WWOX: variants seen among roughly 807,000 people sequenced by gnomAD.
The protein encoded by WWOX is WW domain-containing oxidoreductase.
WWOX carries 69 observed loss-of-function variants against 46.2 expected under a neutral mutation model. The observed-to-expected ratio is 1.49, with a 90% confidence interval of 1.23 to 1.82. The LOEUF (loss-of-function observed/expected upper bound fraction) is 1.82, where lower values mean the gene tolerates loss of function less well. WWOX is among the 40% of genes most tolerant of loss of function. The pLI, the probability that WWOX is intolerant of heterozygous loss-of-function variation, is 0.00. For missense variants in WWOX, 919 were observed against 542.6 expected (o/e 1.69, Z -6.89); for synonymous variants, 359 against 202.6 (o/e 1.77, Z -6.56).
At position 78,745,042 on chromosome 16, in the gene WWOX, C is replaced by T. The variant is rs146662683; in HGVS notation, c.1056+312290C>T. On this transcript the variant is annotated intron_variant, in intron 8 of 8. Transcript: ENST00000566780. The stretch of plus-strand genomic sequence containing the variant: ...CCATTTATTCAGTGTTGGCCAGTGA[C>T]GCCTGCCACTGCATTTTATTGATGA... Among the ~76,000 whole-genome samples the T allele has an allele frequency of 1.9e-3, 284 of 152,236 alleles. 1 individual carries two copies. Among genetic ancestry groups the T allele is most frequent in the African/African-American group, 6.2e-3 (259 of 41,530 alleles).
At chr16:78,597,180 C>T (rs1167329639) in intron 8 of WWOX, among the ~76,000 whole-genome samples, 1 of 152,176 alleles carries the variant, frequency 6.6e-6, no homozygotes, top group Admixed American at 6.5e-5. Flanking sequence ...GCTTAGCAAG[C>T]ATTTAGTAGG....
chr16:78,784,473 C>A (rs927173025), intron 8 of WWOX, among the ~76,000 whole-genome samples: 1 of 151,928 alleles, frequency 6.6e-6, no homozygotes, highest in Non-Finnish European at 1.5e-5. Flanking sequence ...TATTAATATA[C>A]TAGATAAGAG....
intron 8 of WWOX, among the ~76,000 whole-genome samples, chr16:79,151,782 G>A (rs1478899537): frequency 6.6e-6 from 1 of 152,226 alleles, no homozygotes; most frequent in Admixed American, 6.5e-5. Context: ...TTTGATCCTG[G>A]AGTTGCTGTA....
chr16:79,068,750 G>A (rs976396830), intron 8 of WWOX, among the ~76,000 whole-genome samples: 5 of 151,586 alleles, frequency 3.3e-5, no homozygotes, highest in Admixed American at 1.3e-4. Flanking sequence ...GGCCAAGGCT[G>A]CAGTGAGATA....
chr16:79,079,849 C>T (rs1425436822), intron 8 of WWOX, among the ~76,000 whole-genome samples: 1 of 152,174 alleles, frequency 6.6e-6, no homozygotes, highest in Non-Finnish European at 1.5e-5. Flanking sequence ...ACATATGCTT[C>T]TCTGGGCATA....
chr16:78,817,209 A>G (rs1025953745), intron 8 of WWOX, among the ~76,000 whole-genome samples: 2 of 81,296 alleles, frequency 2.5e-5, no homozygotes, highest in African/African-American at 9.5e-5. Context: ...TCCTTCTTCA[A>G]CCCTGACTCT....
intron 8 of WWOX, among the ~76,000 whole-genome samples, chr16:78,731,843 C>T (rs202192924): frequency 0.28 from 37,567 of 136,172 alleles, 9,074 homozygotes; most frequent in African/African-American, 0.66. Flanking sequence ...TTTTTTCTTT[C>T]TCTTTTTTTT....
chr16:78,547,872 C>T (rs927871592), intron 8 of WWOX, among the ~76,000 whole-genome samples: 1 of 152,064 alleles, frequency 6.6e-6, no homozygotes, highest in African/African-American at 2.4e-5. Flanking sequence ...CAACATATGG[C>T]TGGGCGTGGT....
At chr16:79,051,365 G>A (rs746009384) in intron 8 of WWOX, among the ~76,000 whole-genome samples, 4 of 152,162 alleles carry the variant, frequency 2.6e-5, no homozygotes, top group East Asian at 1.9e-4. Flanking sequence ...TCCAAAACAG[G>A]TGCTGTGATC....
chr16:78,146,318 T>A (rs529788463), intron 4 of WWOX, among the ~76,000 whole-genome samples: 1 of 152,308 alleles, frequency 6.6e-6, no homozygotes, highest in African/African-American at 2.4e-5. Context: ...TCTGTTTCTC[T>A]TTTTTGAATT....
At chr16:79,050,723 A>G (rs913302942) in intron 8 of WWOX, among the ~76,000 whole-genome samples, 1 of 152,190 alleles carries the variant, frequency 6.6e-6, no homozygotes, top group South Asian at 2.1e-4. Context: ...GAATGGGGCT[A>G]CATAGGTTGG....
intron 5 of WWOX, among the ~76,000 whole-genome samples, chr16:78,381,020 G>C (rs539703512): frequency 6.6e-5 from 10 of 152,194 alleles, no homozygotes; most frequent in Non-Finnish European, 1.5e-4. Context: ...TAAGGCAATT[G>C]AAGCCCAGAT....
chr16:78,781,657 C>T lies in WWOX; in HGVS notation c.1056+348905C>T, dbSNP rs139695307. 1.7e-3 allele frequency among the ~76,000 whole-genome samples: 254 copies of T among 152,250 alleles called. 4 individuals are homozygous for T. The highest frequency in any genetic ancestry group is 0.011 in the East Asian group (57 of 5,170). On this transcript the variant is annotated intron_variant, in intron 8 of 8. Transcript: ENST00000566780. ...GAATATTGGGCCGGGCTTGGTGGCT[C>T]ATGCCTCTAATCCTACCTGAAGCAA...
In WWOX at chr16:79,211,760, G is replaced by C. The variant is rs764726398; in HGVS notation, c.1209G>C (p.Arg403Ser). 2.5e-6 allele frequency: 4 copies of C among 1,614,156 alleles called. No homozygotes were observed. The highest frequency in any genetic ancestry group is 3.4e-6 in the Non-Finnish European group (4 of 1,179,998). Residue 403 changes from arginine (R) to serine (S), a missense_variant, in exon 9 of 9, where the codon AGG becomes AGC. Physicochemically the swap from Arg to Ser is moderately radical, Grantham distance 110. Coordinates refer to ENST00000566780, the MANE Select transcript of WWOX (RefSeq NM_016373.4). ...TARTLWALSERLIQERLGSQS... is the reference protein window; with the variant it reads ...TARTLWALSESLIQERLGSQS... ...GGACCCTGTGGGCGCTCAGCGAGAGGCTGATCCAAGAACGGCTTGGCAGCC... is the reference window on the plus strand; with the variant it reads ...GGACCCTGTGGGCGCTCAGCGAGAGCCTGATCCAAGAACGGCTTGGCAGCC...
intron 8 of WWOX, among the ~76,000 whole-genome samples, chr16:79,057,334 G>T (rs543771695): frequency 6.6e-6 from 1 of 152,270 alleles, no homozygotes; most frequent in Admixed American, 6.5e-5. Context: ...CTAGAATTTG[G>T]ATGCAATTGC....
intron 5 of WWOX, among the ~76,000 whole-genome samples, chr16:78,381,422 G>T (rs2081954938): frequency 6.6e-6 from 1 of 151,252 alleles, no homozygotes; most frequent in African/African-American, 2.5e-5. Context: ...TGGGAGACAT[G>T]CACCTGGGTT....
chr16:78,316,542 G>A (rs552328858), intron 5 of WWOX, among the ~76,000 whole-genome samples: 1 of 151,982 alleles, frequency 6.6e-6, no homozygotes, highest in Non-Finnish European at 1.5e-5. Flanking sequence ...GTGGTTTTGC[G>A]GTGTTGGCCA....
chr16:78,520,609 C>G (rs1016086583), intron 8 of WWOX, among the ~76,000 whole-genome samples: 1 of 150,802 alleles, frequency 6.6e-6, no homozygotes, highest in African/African-American at 2.4e-5. Context: ...GGGACTCACT[C>G]TAGACTGGGA....
chr16:78,615,240 C>T (rs72805014), intron 8 of WWOX, among the ~76,000 whole-genome samples: 7,479 of 152,198 alleles, frequency 0.049, 281 homozygotes, highest in Non-Finnish European at 0.073. Flanking sequence ...CTGTTGAAGG[C>T]GCTAATGGGA....
Sources: allele counts gnomAD v4.1 joint callset (sites outside exome capture counted in the v4.1 genomes callset), GRCh38; gene constraint gnomAD v4.1.1; transcripts MANE v1.5; gene names NCBI Gene and HGNC (gene_info 2026-07-23, HGNC 2026-07-21).